Variants in RNF114 observed in about 807,000 individuals in gnomAD.
RNF114 encodes the protein ring finger protein 114, also known as E3 ubiquitin-protein ligase RNF114.
In RNF114, 6 loss-of-function variants were observed where a neutral mutation model predicts 28.4. That is an observed-to-expected ratio of 0.21 (90% CI 0.12 to 0.42). RNF114 has a LOEUF of 0.42. RNF114 is among the 10% of genes least tolerant of loss of function. The probability of loss-of-function intolerance (pLI) is 1.00; values close to 1 mark genes in which losing one functional copy is unlikely to be tolerated. For missense variants in RNF114, 249 were observed against 311.7 expected (o/e 0.80, Z 1.51); for synonymous variants, 115 against 116.7 (o/e 0.99, Z 0.09).
chr20:49,952,296 C>A lies in RNF114; in HGVS notation c.*155C>A. Reference sequence around the variant, plus strand: ...ACTTCTGACAGGGGAAGTGGGTCCCCAGGTCAGCCCTTCTCTTCCCTTTGG... The same window carrying A: ...ACTTCTGACAGGGGAAGTGGGTCCCAAGGTCAGCCCTTCTCTTCCCTTTGG... On this transcript the variant is annotated 3_prime_UTR_variant, in exon 6 of 6. Coordinates refer to ENST00000244061, the MANE Select transcript of RNF114 (RefSeq NM_018683.4). 1.5e-6 allele frequency: 1 copy of A among 670,070 alleles called. No homozygotes were observed. Among genetic ancestry groups the A allele is most frequent in the South Asian group, 1.6e-5 (1 of 60,864 alleles). 41.5% of individuals were successfully genotyped at this position (670,070 alleles called of 1,614,324 possible). A position where few individuals can be genotyped will look rare whatever the true frequency, so the allele number is the denominator to read the frequency against.
At chr20:49,942,802 T>C (rs4809766) in intron 2 of RNF114, among the ~76,000 whole-genome samples, 121,656 of 152,150 alleles carry the variant, frequency 0.8, 49,695 homozygotes, top group East Asian at 0.93. Flanking sequence ...CCATCCTGGG[T>C]GATAGAGCCG....
chr20:49,941,832 G>C, intron 2 of RNF114, 121 bp downstream of exon 2: 1 of 972,654 alleles, frequency 1.0e-6, no homozygotes. Context: ...ACGCGTGCAT[G>C]CCAATTACCT....
chr20:49,946,087 A>G, intron 3 of RNF114, 49 bp from the exon 4 acceptor site: 1 of 969,182 alleles, frequency 1.0e-6, no homozygotes. Flanking sequence ...AGTTTAATGG[A>G]AAGGTACTCA....
At chr20:49,946,322 T>A (rs1485597801) in intron 4 of RNF114, 72 bp downstream of exon 4, 8 of 778,976 alleles carry the variant, frequency 1.0e-5, no homozygotes, top group African/African-American at 1.8e-5. Flanking sequence ...AATGACGGGA[T>A]TAGTAGAATG....
At chr20:49,945,215 A>T in intron 2 of RNF114, 167 bp from the exon 3 acceptor site, 1 of 559,910 alleles carries the variant, frequency 1.8e-6, no homozygotes, top group Non-Finnish European at 3.2e-6. Flanking sequence ...ATTAATGGGA[A>T]ATCTGCAATA....
Position 49,953,577 on chromosome 20 carries a change from T to C in RNF114, c.*1436T>C, listed in dbSNP as rs983938848. ...AGGGCCCACTGGAAAAAAATAGTTT[T>C]TTCATTAGTATTTCTCGGGAGGACC... On this transcript the variant is annotated 3_prime_UTR_variant, in exon 6 of 6. Transcript: ENST00000244061. 9.9e-5 allele frequency: 15 copies of C among 152,278 alleles called. No homozygotes were observed. The East Asian group carries it at 2.9e-3, about 29-fold the overall frequency. 9.4% of individuals were successfully genotyped at this position (152,278 alleles called of 1,614,324 possible).
intron 5 of RNF114, among the ~76,000 whole-genome samples, chr20:49,949,892 C>T (rs1211127614): frequency 6.6e-6 from 1 of 151,638 alleles, no homozygotes; most frequent in Non-Finnish European, 1.5e-5. Context: ...ATCTGCCCAC[C>T]TTGGCCTCCC....
chr20:49,948,878 T>G (rs1600872150), intron 4 of RNF114, among the ~76,000 whole-genome samples: 2 of 152,312 alleles, frequency 1.3e-5, no homozygotes, highest in South Asian at 2.1e-4. Flanking sequence ...TAAGGCTGTG[T>G]TTTACTTCCC....
At chr20:49,944,512 A>G (rs2090321094) in intron 2 of RNF114, 1 of 152,078 alleles carries the variant, frequency 6.6e-6, no homozygotes, top group Non-Finnish European at 1.5e-5. Flanking sequence ...CTTTCTTTTT[A>G]GAAAACCTGT....
intron 5 of RNF114, among the ~76,000 whole-genome samples, chr20:49,950,917 A>T (rs2090353110): frequency 6.6e-6 from 1 of 152,096 alleles, no homozygotes; most frequent in South Asian, 2.1e-4. Context: ...ATTTCACAGG[A>T]GGTTTCACAG....
At chr20:49,951,733 C>CTGA (rs1423659434) in intron 5 of RNF114, among the ~76,000 whole-genome samples, 3 of 152,176 alleles carry the variant, frequency 2.0e-5, no homozygotes, top group African/African-American at 7.2e-5. Context: ...TAAAAATTAG[C>CTGA]TGGGCATGGT....
chr20:49,946,157 C>T lies in RNF114; in HGVS notation c.420C>T (p.Thr140=). The T allele has an allele frequency of 6.2e-7, 1 of 1,603,674 alleles. No individual in the cohort carries two copies. The change falls in exon 4 of 6, where the codon ACC becomes ACT. Residue 140 remains threonine, a synonymous_variant. Transcript: ENST00000244061. Reference sequence around the variant, plus strand: ...CCAGGAATGTTCCAAACCGTTACACCTTTCCTTGTCCTTACTGTCCTGAGA... The same window carrying T: ...CCAGGAATGTTCCAAACCGTTACACTTTTCCTTGTCCTTACTGTCCTGAGA... ...LQPRNVPNRY[T]FPCPYCPEKN...
chr20:49,949,757 G>A (rs1020576894), intron 5 of RNF114, among the ~76,000 whole-genome samples: 1 of 152,080 alleles, frequency 6.6e-6, no homozygotes, highest in South Asian at 2.1e-4. Context: ...TGATTCTCCT[G>A]CCTCAGCCTC....
At chr20:49,941,845 G>T (rs377496664) in intron 2 of RNF114, 134 bp downstream of exon 2, 1 of 834,232 alleles carries the variant, frequency 1.2e-6, no homozygotes, top group Non-Finnish European at 1.8e-6. Context: ...AATTACCTGT[G>T]GTGATGGCTG....
rs574701308 is a variant in RNF114 at position 49,952,443 on chromosome 20, C to T, written c.*302C>T. 3.8e-6 allele frequency: 2 copies of T among 519,778 alleles called. No individual in the cohort carries two copies. Among genetic ancestry groups the T allele is most frequent in the South Asian group, 6.4e-5 (2 of 31,122 alleles). 32.2% of individuals were successfully genotyped at this position (519,778 alleles called of 1,614,324 possible). A position where few individuals can be genotyped will look rare whatever the true frequency, so the allele number is the denominator to read the frequency against. On this transcript the variant is annotated 3_prime_UTR_variant, in exon 6 of 6. Coordinates refer to ENST00000244061, the MANE Select transcript of RNF114 (RefSeq NM_018683.4). ...TCCTGTGGAAGATAATCTAGCTTCT[C>T]CACCTCTTGTTTCACACTCATTCCT...
chr20:49,940,083 A>C (rs2090301858), intron 1 of RNF114, among the ~76,000 whole-genome samples: 1 of 151,328 alleles, frequency 6.6e-6, no homozygotes, highest in Admixed American at 6.6e-5. Flanking sequence ...AAAGTAACAA[A>C]ACTTTGTTTT....
intron 2 of RNF114, among the ~76,000 whole-genome samples, chr20:49,943,456 A>G (rs1427998934): frequency 1.3e-5 from 2 of 152,010 alleles, no homozygotes; most frequent in Admixed American, 6.6e-5. Context: ...TGGGGAATAT[A>G]GTGGACCCAG....
chr20:49,939,751 C>T (rs904373716), intron 1 of RNF114, among the ~76,000 whole-genome samples: 11 of 148,732 alleles, frequency 7.4e-5, no homozygotes, highest in Non-Finnish European at 1.3e-4. Flanking sequence ...ACCTTCTCAC[C>T]TAAAAAAAAA....
At chr20:49,949,478 AGTCT>A in intron 5 of RNF114, 123 bp downstream of exon 5, 1 of 778,512 alleles carries the variant, frequency 1.3e-6, no homozygotes, top group Non-Finnish European at 2.2e-6. Context: ...ATGGGCTTCC[AGTCT>A]GTATACTGGA....
Sources: gnomAD v4.1 joint callset for allele counts (sites outside exome capture counted in the v4.1 genomes callset) on GRCh38, gnomAD v4.1.1 for gene constraint, MANE v1.5 for transcripts, NCBI Gene and HGNC (gene_info 2026-07-23, HGNC 2026-07-21) for gene names.